Variants in UBN2 observed in about 807,000 individuals in gnomAD.
UBN2 encodes the protein ubinuclein-2.
In UBN2, 35 loss-of-function variants were observed where a neutral mutation model predicts 120.2. The ratio of observed to expected loss-of-function variants is 0.29; its 90% CI spans 0.22 to 0.39. The LOEUF (loss-of-function observed/expected upper bound fraction) is 0.39, where lower values mean the gene tolerates loss of function less well. UBN2 is among the 10% of genes least tolerant of loss of function. The pLI is 1.00. For missense variants in UBN2, 1,693 were observed against 1,663.2 expected, an observed-to-expected ratio of 1.02 and a Z score of -0.31; for synonymous variants, 661 against 648.7, an observed-to-expected ratio of 1.02 and a Z score of -0.29.
intron 12 of UBN2, 181 bp downstream of exon 12, chr7:139,276,328 C>T (rs1797441651): frequency 3.3e-6 from 2 of 608,890 alleles, no homozygotes; most frequent in Non-Finnish European, 5.8e-6. Context: ...TCTCTAAACA[C>T]CTACTAAATC....
intron 10 of UBN2, 37 bp from the exon 11 acceptor site, chr7:139,273,894 T>G: frequency 6.5e-7 from 1 of 1,540,812 alleles, no homozygotes; most frequent in Non-Finnish European, 8.7e-7. Flanking sequence ...TATGTTCTTC[T>G]AAAAAAAGTT....
Position 139,293,969 on chromosome 7 carries a change from C to G in UBN2, c.3982C>G (p.Gln1328Glu). 6.2e-7 allele frequency: 1 copy of G among 1,614,128 alleles called. No individual in the cohort carries two copies. The highest frequency in any genetic ancestry group is 8.5e-7 in the Non-Finnish European group (1 of 1,179,996). The change falls in exon 17 of 18, where the codon CAA becomes GAA. Residue 1328 changes from glutamine to glutamate, a missense_variant. Gln to Glu is a conservative substitution (Grantham distance 29). This residue lies in a region of UBN2 where 837 missense variants were observed against 817.6 expected (regional missense o/e 1.02). Transcript: ENST00000473989. ...CTCACCTCTGCCTGCACACTTACAG[C>G]AAGCATTTCACGGTGAGAACGCCAC... ...SHSPLPAHLQQAFHDGGQSKG... is the reference protein window; with the variant it reads ...SHSPLPAHLQEAFHDGGQSKG...
chr7:139,292,065 A>G (rs923853184), intron 15 of UBN2, among the ~76,000 whole-genome samples: 1 of 152,114 alleles, frequency 6.6e-6, no homozygotes, highest in Non-Finnish European at 1.5e-5. Flanking sequence ...AGCCTGGGCA[A>G]CATGGTGAAA....
chr7:139,283,781 GTAA>G lies in UBN2; in HGVS notation c.2881_2883del (p.Asn961del). On this transcript the variant is annotated inframe_deletion, in exon 15 of 18. Coordinates refer to ENST00000473989, the MANE Select transcript of UBN2 (RefSeq NM_173569.4). Reference sequence around the variant, plus strand: ...CAGACCAACCCCGTCGTGAAGTTAAGTAATAATCCCCAACTCTCCTGTTCCTCC... The same window carrying G: ...CAGACCAACCCCGTCGTGAAGTTAAGTAATCCCCAACTCTCCTGTTCCTCC... 1.2e-6 allele frequency: 2 copies of G among 1,613,898 alleles called. No homozygotes were observed. The highest frequency in any genetic ancestry group is 2.2e-5 in the East Asian group (1 of 44,882).
the UBN2 span, among the ~76,000 whole-genome samples, chr7:139,323,147 G>A: frequency 6.6e-6 from 1 of 152,150 alleles, no homozygotes; most frequent in Non-Finnish European, 1.5e-5. Context: ...AAGAAGCCAT[G>A]AAACTCTCAT....
chr7:139,254,992 G>T (rs1368478669), intron 3 of UBN2, among the ~76,000 whole-genome samples: 1 of 152,094 alleles, frequency 6.6e-6, no homozygotes, highest in African/African-American at 2.4e-5. Flanking sequence ...TTCATTCTTG[G>T]GGTTGTACAC....
the UBN2 span, among the ~76,000 whole-genome samples, chr7:139,326,764 T>A: frequency 6.6e-6 from 1 of 152,182 alleles, no homozygotes; most frequent in Non-Finnish European, 1.5e-5. Flanking sequence ...CTGGCACATA[T>A]GGGAGCAGAG....
At chr7:139,294,036 G>C in intron 17 of UBN2, 55 bp downstream of exon 17, 1 of 1,545,836 alleles carries the variant, frequency 6.5e-7, no homozygotes, top group Non-Finnish European at 8.9e-7. Flanking sequence ...TATAGATATG[G>C]ATTATACTTT....
At chr7:139,313,771 G>C in the UBN2 span, among the ~76,000 whole-genome samples, 1 of 151,966 alleles carries the variant, frequency 6.6e-6, no homozygotes, top group African/African-American at 2.4e-5. Context: ...AATTTTCTGG[G>C]AAGGTTGATT....
intron 12 of UBN2, among the ~76,000 whole-genome samples, 164 bp from the exon 13 acceptor site, chr7:139,279,154 G>T (rs1366469146): frequency 6.6e-6 from 1 of 152,128 alleles, no homozygotes; most frequent in Admixed American, 6.5e-5. Context: ...TGGGGAAAAT[G>T]TTGCTACATA....
chr7:139,249,402 A>T (rs1796557733), intron 2 of UBN2, among the ~76,000 whole-genome samples: 2 of 152,182 alleles, frequency 1.3e-5, no homozygotes. Context: ...CATGTTGGAG[A>T]TGTCTTTCGT....
At chr7:139,267,856 C>T (rs1370501166) in intron 7 of UBN2, among the ~76,000 whole-genome samples, 4 of 151,928 alleles carry the variant, frequency 2.6e-5, no homozygotes, top group Non-Finnish European at 5.9e-5. Flanking sequence ...GCGTGGCAGC[C>T]AGGCAACTGC....
intron 2 of UBN2, among the ~76,000 whole-genome samples, chr7:139,250,373 C>T (rs1444518603): frequency 1.3e-5 from 2 of 152,062 alleles, no homozygotes; most frequent in Non-Finnish European, 2.9e-5. Context: ...GCTGAGACTA[C>T]AGACGCATGC....
In UBN2 at chr7:139,261,889, T is replaced by C. The variant is rs975037635; in HGVS notation, c.1395+148T>C. The C allele has an allele frequency of 6.3e-6, 5 of 794,640 alleles. No homozygotes were observed. The African/African-American group carries it at 8.7e-5, about 14-fold the overall frequency. 49.2% of individuals were successfully genotyped at this position (794,640 alleles called of 1,614,324 possible). A position where few individuals can be genotyped will look rare whatever the true frequency, so the allele number is the denominator to read the frequency against. On this transcript the variant is annotated intron_variant, in intron 6 of 17. Coordinates refer to ENST00000473989, the MANE Select transcript of UBN2 (RefSeq NM_173569.4). ...AATAATAAACTACAATCTGAACATT[T>C]TTATAACTTTTTATTTGCCATGTTT...
chr7:139,327,854 G>T, the UBN2 span, among the ~76,000 whole-genome samples: 1 of 152,188 alleles, frequency 6.6e-6, no homozygotes, highest in African/African-American at 2.4e-5. Context: ...TTCAGGGCTG[G>T]CTAAAATCTG....
chr7:139,281,141 T>C (rs1450739702), intron 13 of UBN2, among the ~76,000 whole-genome samples: 1 of 152,230 alleles, frequency 6.6e-6, no homozygotes, highest in East Asian at 1.9e-4. Flanking sequence ...ATTAATAGAA[T>C]AATAGGATAG....
In UBN2 at chr7:139,300,040, A is replaced by G. The variant is rs1421734515; in HGVS notation, c.*2204A>G. ...TAGTTTGAGTCAAAAAATCATTTGA[A>G]TTTCTTAAAACCATCAATTCTGAAT... On this transcript the variant is annotated 3_prime_UTR_variant, in exon 18 of 18. Transcript: ENST00000473989. 6.6e-6 allele frequency: 1 copy of G among 152,180 alleles called. No individual in the cohort carries two copies. The highest frequency in any genetic ancestry group is 1.5e-5 in the Non-Finnish European group (1 of 68,020). 9.4% of individuals were successfully genotyped at this position (152,180 alleles called of 1,614,324 possible).
At position 139,308,115 on chromosome 7, in the gene UBN2, T is replaced by C. The variant is rs1798397339; in HGVS notation, c.*10279T>C. 1 of 152,080 alleles carries C rather than the reference T, an allele frequency of 6.6e-6. No homozygotes were observed. Among genetic ancestry groups the C allele is most frequent in the African/African-American group, 2.4e-5 (1 of 41,412 alleles). 9.4% of individuals were successfully genotyped at this position (152,080 alleles called of 1,614,324 possible). On this transcript the variant is annotated 3_prime_UTR_variant, in exon 18 of 18. Coordinates refer to ENST00000473989, the MANE Select transcript of UBN2 (RefSeq NM_173569.4). ...CCCTGTTTTTGAAGCAAGAGCCTTA[T>C]TTGATTCAGTGTAGATGTTTCCTGT...
At chr7:139,320,968 G>A in the UBN2 span, among the ~76,000 whole-genome samples, 1 of 152,076 alleles carries the variant, frequency 6.6e-6, no homozygotes, top group Non-Finnish European at 1.5e-5. Flanking sequence ...CCTTCACACA[G>A]CCCGCTTCCT....
Sources: gnomAD v4.1 joint callset for allele counts (sites outside exome capture counted in the v4.1 genomes callset) on GRCh38, gnomAD v4.1.1 for gene constraint, gnomAD v4.1.1 regional missense constraint, MANE v1.5 for transcripts, NCBI Gene and HGNC (gene_info 2026-07-23, HGNC 2026-07-21) for gene names.